PKHD1L1: variants seen among roughly 807,000 people sequenced by gnomAD.
PKHD1L1 encodes the protein fibrocystin-L.
PKHD1L1 carries 434 observed loss-of-function variants against 462.9 expected under a neutral mutation model. That is an observed-to-expected ratio of 0.94 (90% confidence interval 0.87 to 1.02). The LOEUF (loss-of-function observed/expected upper bound fraction) is 1.02, where lower values mean the gene tolerates loss of function less well. PKHD1L1 is among the 50% of genes least tolerant of loss of function. The pLI is 0.00. For missense variants in PKHD1L1, 5,202 were observed against 5,096.1 expected (o/e 1.02, Z -0.63); for synonymous variants, 1,781 against 1,750.0 (o/e 1.02, Z -0.44).
At position 109,464,359 on chromosome 8, in the gene PKHD1L1, C is replaced by A. The variant is rs1817304228; in HGVS notation, c.7527C>A (p.His2509Gln). Residue 2509 changes from histidine to glutamine, a missense_variant, in exon 49 of 78, where the codon CAC becomes CAA. Physicochemically the swap from His to Gln is conservative, Grantham distance 24 (BLOSUM62 0). Coordinates refer to ENST00000378402, the MANE Select transcript of PKHD1L1 (RefSeq NM_177531.6). The stretch of plus-strand genomic sequence containing the variant: ...GAGCTGTTACTATTCATAACACACA[C>A]CATCTTCTGGTTGAGAGGAATATTA... Reference protein sequence around the residue: ...YNRAVTIHNTHHLLVERNIIY... With the variant: ...YNRAVTIHNTQHLLVERNIIY... 1 of 1,613,166 alleles carries A rather than the reference C, an allele frequency of 6.2e-7. No individual in the cohort carries two copies. Among genetic ancestry groups the A allele is most frequent in the Non-Finnish European group, 8.5e-7 (1 of 1,179,562 alleles).
At position 109,452,347 on chromosome 8, in the gene PKHD1L1, T is replaced by C. The variant is rs139793069; in HGVS notation, c.6507+67T>C. 5.9e-4 allele frequency: 794 copies of C among 1,338,774 alleles called. 4 individuals carry two copies. In the African/African-American group the frequency reaches 9.8e-3, roughly 17 times the overall value. The allele number at this position is 1,338,774 out of a possible 1,614,324, so 82.9% of individuals were successfully genotyped here. ...CCAGCATTATGGGAGGTGGGCTAAT[T>C]GGTAATTGTTGTTTTACTTTAATGT... On this transcript the variant is annotated intron_variant, in intron 42 of 77. Transcript: ENST00000378402.
At chr8:109,419,589 A>T (rs1814361939) in intron 22 of PKHD1L1, among the ~76,000 whole-genome samples, 1 of 152,116 alleles carries the variant, frequency 6.6e-6, no homozygotes, top group Non-Finnish European at 1.5e-5. Context: ...CATGAGAGAG[A>T]TCTATTCCCA....
chr8:109,452,087 A>T (rs1816553845), intron 41 of PKHD1L1, 37 bp from the exon 42 acceptor site: 7 of 1,574,946 alleles, frequency 4.4e-6, no homozygotes, highest in African/African-American at 1.4e-5. Context: ...GATATTTGAG[A>T]AAAACATACA....
At position 109,400,035 on chromosome 8, in the gene PKHD1L1, A is replaced by G. The variant is rs1813189772; in HGVS notation, c.1013-41A>G. 3 of 1,558,456 alleles carry G rather than the reference A, an allele frequency of 1.9e-6. No individual in the cohort carries two copies. In the South Asian group the frequency reaches 3.6e-5, roughly 19 times the overall value. ...TAGAAAGCCATTGAGGCATTGCATT[A>G]TGATCCTGATGAAAGTCTTATTTTA... is the stretch of plus-strand genomic sequence containing the variant. On this transcript the variant is annotated intron_variant, in intron 12 of 77. Transcript: ENST00000378402.
At chr8:109,425,807 T>C (rs560036877) in intron 24 of PKHD1L1, among the ~76,000 whole-genome samples, 5 of 152,280 alleles carry the variant, frequency 3.3e-5, no homozygotes, top group Non-Finnish European at 5.9e-5. Context: ...ATGAGTCATA[T>C]GTGGCTACTG....
chr8:109,417,223 T>G (rs1840908), intron 21 of PKHD1L1, among the ~76,000 whole-genome samples: 85,843 of 151,874 alleles, frequency 0.57, 24,443 homozygotes, highest in South Asian at 0.69. Context: ...ATAACACAAA[T>G]GATAAAGGCT....
At chr8:109,381,547 T>G in intron 3 of PKHD1L1, 33 bp downstream of exon 3, 1 of 1,451,020 alleles carries the variant, frequency 6.9e-7, no homozygotes, top group African/African-American at 1.4e-5. Flanking sequence ...TAAAATCATT[T>G]TCATCATATC....
chr8:109,430,972 C>CT (rs11315322), intron 27 of PKHD1L1, among the ~76,000 whole-genome samples: 4,568 of 138,928 alleles, frequency 0.033, 138 homozygotes, highest in African/African-American at 0.085. Flanking sequence ...TGAATTCCCA[C>CT]TTTTTTTTTT....
chr8:109,384,092 C>G lies in PKHD1L1; in HGVS notation c.440C>G (p.Thr147Arg), dbSNP rs758569612. Residue 147 changes from threonine (T) to arginine (R), a missense_variant, in exon 5 of 78, where the codon ACA becomes AGA. This residue lies in a region of PKHD1L1 where 4,497 missense variants were observed against 4,336.8 expected (regional missense o/e 1.04). Coordinates refer to ENST00000378402, the MANE Select transcript of PKHD1L1 (RefSeq NM_177531.6). ...TFNAKSFRTP[T>R]IRSITPLSGT... ...CAGGCAAAAAGTTTTAGAACCCCAACAATAAGAAGCATCACACCTTTATCT... is the reference window on the plus strand; with the variant it reads ...CAGGCAAAAAGTTTTAGAACCCCAAGAATAAGAAGCATCACACCTTTATCT... The G allele has an allele frequency of 3.7e-6, 6 of 1,610,936 alleles. No individual in the cohort carries two copies. The South Asian group carries it at 6.6e-5, about 18-fold the overall frequency.
chr8:109,372,440 T>C (rs1811563174), intron 2 of PKHD1L1, among the ~76,000 whole-genome samples: 1 of 152,242 alleles, frequency 6.6e-6, no homozygotes, highest in Admixed American at 6.5e-5. Context: ...TACAATCTCG[T>C]CATCTGCAAA....
At position 109,531,079 on chromosome 8, in the gene PKHD1L1, T is replaced by C. The variant is rs1336427117; in HGVS notation, c.*989T>C. Among the ~76,000 whole-genome samples, 1 of 152,196 alleles carries C rather than the reference T, an allele frequency of 6.6e-6. No individual in the cohort carries two copies. The highest frequency in any genetic ancestry group is 1.5e-5 in the Non-Finnish European group (1 of 68,024). On this transcript the variant is annotated 3_prime_UTR_variant, in exon 78 of 78. Transcript: ENST00000378402. Reference sequence around the variant, plus strand: ...TTTGACAGAACTCCTAATAAAGACATTGTAGCCAGATCCAGAGCCTTCCAG... The same window carrying C: ...TTTGACAGAACTCCTAATAAAGACACTGTAGCCAGATCCAGAGCCTTCCAG...
rs773901166 is a variant in PKHD1L1, at chr8:109,405,059, C to G, written c.1598C>G (p.Thr533Ser). ...AATGAGGTTCAGAAGATCAAGGTAA[C>G]CAGCCCATGTGTGGAAGCTAATTCA... ...AINEVQKIKVTSPCVEANSCS... is the reference protein window; with the variant it reads ...AINEVQKIKVSSPCVEANSCS... The change falls in exon 16 of 78, where the codon ACC becomes AGC. Residue 533 changes from threonine to serine, a missense_variant. Coordinates refer to ENST00000378402, the MANE Select transcript of PKHD1L1 (RefSeq NM_177531.6). The G allele has an allele frequency of 6.5e-7, 1 of 1,532,192 alleles. No individual in the cohort carries two copies. Among genetic ancestry groups the G allele is most frequent in the Admixed American group, 2.0e-5 (1 of 51,188 alleles). 94.9% of individuals were successfully genotyped at this position (1,532,192 alleles called of 1,614,324 possible).
At chr8:109,521,199 GTTA>G (rs1820535814) in intron 73 of PKHD1L1, among the ~76,000 whole-genome samples, 1 of 152,158 alleles carries the variant, frequency 6.6e-6, no homozygotes, top group Non-Finnish European at 1.5e-5. Context: ...GGCCCAAGAC[GTTA>G]CCTCCTTCTT....
chr8:109,420,837 CTT>C (rs1366618849), intron 23 of PKHD1L1, 147 bp downstream of exon 23: 15 of 598,414 alleles, frequency 2.5e-5, no homozygotes, highest in Middle Eastern at 9.9e-4. Context: ...TGAAAATTGA[CTT>C]TAAGTATTAA....
chr8:109,480,428 A>G (rs1035444680), intron 55 of PKHD1L1: 1 of 416,796 alleles, frequency 2.4e-6, no homozygotes, highest in African/African-American at 2.1e-5. Flanking sequence ...CTAAACCAAC[A>G]GCTTGTTCCA....
At chr8:109,408,274 G>T in intron 18 of PKHD1L1, 68 bp downstream of exon 18, 1 of 1,367,392 alleles carries the variant, frequency 7.3e-7, no homozygotes, top group Non-Finnish European at 9.8e-7. Flanking sequence ...TGGGCCATTT[G>T]TAGACAGATG....
chr8:109,425,012 C>A, intron 23 of PKHD1L1, 73 bp from the exon 24 acceptor site: 1 of 1,231,876 alleles, frequency 8.1e-7, no homozygotes, highest in Non-Finnish European at 1.1e-6. Context: ...CAGGATTGTA[C>A]CATGATGAAA....
rs981903149 is a variant in PKHD1L1 at position 109,389,226 on chromosome 8, A to G, written c.697+74A>G. The G allele has an allele frequency of 6.0e-6, 7 of 1,161,428 alleles. No individual in the cohort carries two copies. In the African/African-American group the frequency reaches 9.6e-5, roughly 16 times the overall value. The allele number at this position is 1,161,428 out of a possible 1,614,324, so 71.9% of individuals were successfully genotyped here. A position where few individuals can be genotyped will look rare whatever the true frequency, so the allele number is the denominator to read the frequency against. ...ATTTCCCTGTTTTGTATTCTCCTAG[A>G]CCTCCCTCCTCTGCCCTTTTGGATC... On this transcript the variant is annotated intron_variant, in intron 8 of 77. Transcript: ENST00000378402.
At chr8:109,529,485 C>A (rs1265273474) in intron 77 of PKHD1L1, among the ~76,000 whole-genome samples, 3 of 151,992 alleles carry the variant, frequency 2.0e-5, no homozygotes, top group African/African-American at 7.2e-5. Flanking sequence ...AAATATTGCT[C>A]AATATATATT....
Sources: allele counts gnomAD v4.1 joint callset (sites outside exome capture counted in the v4.1 genomes callset), GRCh38; gene constraint gnomAD v4.1.1; regional missense constraint gnomAD v4.1.1; transcripts MANE v1.5; gene names NCBI Gene and HGNC (gene_info 2026-07-23, HGNC 2026-07-21).